WWOX: variants seen among roughly 807,000 people sequenced by gnomAD.
WWOX encodes the protein WW domain-containing oxidoreductase.
In WWOX, 69 loss-of-function variants were observed where a neutral mutation model predicts 46.2. The ratio of observed to expected loss-of-function variants is 1.49; its 90% CI spans 1.23 to 1.82. The LOEUF (loss-of-function observed/expected upper bound fraction) is 1.82, where lower values mean the gene tolerates loss of function less well. Among genes scored for constraint, WWOX ranks in the 40% most tolerant of loss-of-function variants. The pLI is 0.00. For synonymous variants in WWOX, 359 were observed against 202.6 expected (o/e 1.77, Z -6.56); for missense variants, 919 against 542.6 (o/e 1.69, Z -6.89).
chr16:78,318,388 G>A (rs930425108), intron 5 of WWOX, among the ~76,000 whole-genome samples: 2 of 151,496 alleles, frequency 1.3e-5, no homozygotes, highest in South Asian at 2.1e-4. Flanking sequence ...GCTGTGAGCC[G>A]AGATTGCGTC....
intron 8 of WWOX, among the ~76,000 whole-genome samples, chr16:78,794,530 A>G (rs1380497717): frequency 6.6e-6 from 1 of 152,188 alleles, no homozygotes; most frequent in African/African-American, 2.4e-5. Flanking sequence ...TTCTCATCCA[A>G]AAAAATGGGT....
chr16:79,159,001 C>T (rs1291495147), intron 8 of WWOX, among the ~76,000 whole-genome samples: 2 of 152,192 alleles, frequency 1.3e-5, no homozygotes, highest in Non-Finnish European at 2.9e-5. Flanking sequence ...ACTCTGCCTG[C>T]AGCCAACTCA....
intron 8 of WWOX, among the ~76,000 whole-genome samples, chr16:78,733,921 G>A (rs533909720): frequency 6.6e-6 from 1 of 151,758 alleles, no homozygotes; most frequent in East Asian, 2.0e-4. Flanking sequence ...AAACAGCTAG[G>A]CATAGAGGCA....
chr16:78,350,573 C>G (rs2081166027), intron 5 of WWOX, among the ~76,000 whole-genome samples: 1 of 120,768 alleles, frequency 8.3e-6, no homozygotes, highest in South Asian at 2.5e-4. Context: ...CCCTTTGTGT[C>G]TCGATCCTTA....
At chr16:78,155,101 G>A (rs1472913717) in intron 4 of WWOX, among the ~76,000 whole-genome samples, 1 of 152,116 alleles carries the variant, frequency 6.6e-6, no homozygotes, top group Non-Finnish European at 1.5e-5. Context: ...TACACATCTA[G>A]CTTTTGGACC....
chr16:78,833,257 G>A (rs2051881856), intron 8 of WWOX, among the ~76,000 whole-genome samples: 2 of 151,950 alleles, frequency 1.3e-5, no homozygotes, highest in South Asian at 4.2e-4. Flanking sequence ...TTTTTCTCCA[G>A]TCTGGTCTTG....
rs554716516 is a variant in WWOX at position 78,721,866 on chromosome 16, G to A, written c.1056+289114G>A. On this transcript the variant is annotated intron_variant, in intron 8 of 8. Coordinates refer to ENST00000566780, the MANE Select transcript of WWOX (RefSeq NM_016373.4). ...ATATGAAGAGGTTGGCAGAGCAAAC[G>A]CACACGTGCGTAGGAGCTGGAATTG... 6.6e-5 allele frequency among the ~76,000 whole-genome samples: 10 copies of A among 152,350 alleles called. No homozygotes were observed. In the East Asian group the frequency reaches 1.7e-3, roughly 26 times the overall value.
intron 8 of WWOX, among the ~76,000 whole-genome samples, chr16:79,121,891 G>C (rs2049640359): frequency 6.6e-6 from 1 of 152,114 alleles, no homozygotes; most frequent in South Asian, 2.1e-4. Context: ...GTGTGTGTTT[G>C]TGTTTTTTTA....
chr16:79,112,544 G>A (rs1162309933), intron 8 of WWOX, among the ~76,000 whole-genome samples: 2 of 151,958 alleles, frequency 1.3e-5, no homozygotes, highest in South Asian at 2.1e-4. Context: ...CAACATCCCC[G>A]GCAAACGGGA....
chr16:78,109,081 A>G (rs1379217669), intron 2 of WWOX, among the ~76,000 whole-genome samples: 1 of 152,216 alleles, frequency 6.6e-6, no homozygotes, highest in African/African-American at 2.4e-5. Flanking sequence ...CAGTGTTTAT[A>G]AAATTGTTCT....
At chr16:78,201,482 A>G (rs544254145) in intron 5 of WWOX, among the ~76,000 whole-genome samples, 1 of 152,298 alleles carries the variant, frequency 6.6e-6, no homozygotes, top group Admixed American at 6.5e-5. Context: ...ATAAATGAGT[A>G]GCAGGTTGAA....
rs373513885 is a variant in WWOX at position 78,874,345 on chromosome 16, A to C, written c.1057-337263A>C. On this transcript the variant is annotated intron_variant, in intron 8 of 8. Transcript: ENST00000566780. The stretch of plus-strand genomic sequence containing the variant: ...ATAGAGAGCTGCATCCTGAACAGAC[A>C]TGATCTTGGGTGAGTGAGAGGCTAG... Among the ~76,000 whole-genome samples, 34 of 152,100 alleles carry C rather than the reference A, an allele frequency of 2.2e-4. No homozygotes were observed. In the East Asian group the frequency reaches 2.7e-3, roughly 12 times the overall value.
At chr16:78,395,974 G>C (rs950370785) in intron 6 of WWOX, among the ~76,000 whole-genome samples, 2 of 152,136 alleles carry the variant, frequency 1.3e-5, no homozygotes, top group African/African-American at 4.8e-5. Flanking sequence ...GTGAGGTACA[G>C]CAGGACACAC....
At chr16:78,401,165 T>C (rs912427003) in intron 6 of WWOX, among the ~76,000 whole-genome samples, 1 of 152,168 alleles carries the variant, frequency 6.6e-6, no homozygotes, top group Non-Finnish European at 1.5e-5. Flanking sequence ...ATAGGAAAAA[T>C]GTTAAATATG....
At chr16:78,733,591 CAA>C (rs534567004) in intron 8 of WWOX, among the ~76,000 whole-genome samples, 2 of 135,176 alleles carry the variant, frequency 1.5e-5, no homozygotes, top group African/African-American at 2.7e-5. Flanking sequence ...ACTGAAAATA[CAA>C]AAAAAAAAAA....
intron 5 of WWOX, among the ~76,000 whole-genome samples, chr16:78,365,762 G>C (rs758036410): frequency 1.3e-4 from 20 of 151,926 alleles, no homozygotes; most frequent in Non-Finnish European, 2.5e-4. Flanking sequence ...TTTGTTTTTT[G>C]TGTGTGCTTC....
chr16:78,436,546 G>A (rs892745485), intron 8 of WWOX, among the ~76,000 whole-genome samples: 21 of 152,158 alleles, frequency 1.4e-4, no homozygotes, highest in African/African-American at 4.8e-4. Flanking sequence ...TAAGCGTTTG[G>A]TAGTACTTTT....
chr16:79,098,144 T>C (rs1219157341), intron 8 of WWOX, among the ~76,000 whole-genome samples: 2 of 152,176 alleles, frequency 1.3e-5, no homozygotes, highest in Non-Finnish European at 2.9e-5. Context: ...ACCTGTCTGC[T>C]CATCAGAATC....
chr16:78,770,035 C>A (rs558064063), intron 8 of WWOX, among the ~76,000 whole-genome samples: 2 of 151,496 alleles, frequency 1.3e-5, no homozygotes, highest in African/African-American at 4.9e-5. Context: ...CAGAGTGAGA[C>A]CGTGTCTTTA....
Sources: allele counts gnomAD v4.1 joint callset (sites outside exome capture counted in the v4.1 genomes callset), GRCh38; gene constraint gnomAD v4.1.1; transcripts MANE v1.5; gene names NCBI Gene and HGNC (gene_info 2026-07-23, HGNC 2026-07-21).